CKS2: variants seen among roughly 807,000 people sequenced by gnomAD.
CKS2 encodes cyclin-dependent kinases regulatory subunit 2.
A neutral mutation model predicts 14.3 loss-of-function variants in CKS2; 4 were observed. The ratio of observed to expected loss-of-function variants is 0.28; its 90% confidence interval spans 0.14 to 0.64. The LOEUF (loss-of-function observed/expected upper bound fraction) is 0.64. Among genes scored for constraint, CKS2 ranks in the 30% least tolerant of loss-of-function variants. The probability of loss-of-function intolerance (pLI) is 0.83; values close to 1 mark genes in which losing one functional copy is unlikely to be tolerated. For synonymous variants in CKS2, 33 were observed against 28.7 expected, an observed-to-expected ratio of 1.15 and a Z score of -0.48; for missense variants, 71 against 94.3, an observed-to-expected ratio of 0.75 and a Z score of 1.02.
intron 2 of CKS2, 48 bp from the exon 3 acceptor site, chr9:89,316,325 G>C: frequency 8.5e-7 from 1 of 1,171,654 alleles, no homozygotes; most frequent in Non-Finnish European, 1.3e-6. Flanking sequence ...TTTCTGTTGA[G>C]TATATGAAAA....
At chr9:89,313,444 C>A (rs1034203784) in intron 1 of CKS2, among the ~76,000 whole-genome samples, 1 of 152,188 alleles carries the variant, frequency 6.6e-6, no homozygotes, top group Admixed American at 6.5e-5. Flanking sequence ...GTAATACTTG[C>A]ACTATTTTGC....
At chr9:89,313,050 T>G (rs1210511872) in intron 1 of CKS2, among the ~76,000 whole-genome samples, 1 of 152,256 alleles carries the variant, frequency 6.6e-6, no homozygotes, top group African/African-American at 2.4e-5. Context: ...AGTGATGTAT[T>G]TTAATCCAAT....
At chr9:89,314,623 ATAAAAGTC>A (rs1392946664) in intron 1 of CKS2, among the ~76,000 whole-genome samples, 7 of 152,214 alleles carry the variant, frequency 4.6e-5, no homozygotes, top group Admixed American at 1.3e-4. Flanking sequence ...TTTTCGTTAC[ATAAAAGTC>A]TAATAATCTG....
chr9:89,314,266 T>G (rs1196138453), intron 1 of CKS2, among the ~76,000 whole-genome samples: 1 of 152,182 alleles, frequency 6.6e-6, no homozygotes, highest in Non-Finnish European at 1.5e-5. Flanking sequence ...GGAAAGAGAT[T>G]TGTTAGGCAA....
At chr9:89,315,027 T>G (rs1048936021) in intron 1 of CKS2, 143 bp from the exon 2 acceptor site, 2 of 570,718 alleles carry the variant, frequency 3.5e-6, no homozygotes, top group Non-Finnish European at 5.6e-6. Flanking sequence ...GCTCCCTAAT[T>G]TGAACATAGG....
At chr9:89,316,192 T>C (rs886555047) in intron 2 of CKS2, among the ~76,000 whole-genome samples, 181 bp from the exon 3 acceptor site, 1 of 152,138 alleles carries the variant, frequency 6.6e-6, no homozygotes, top group South Asian at 2.1e-4. Context: ...GAGGTAATCT[T>C]TTTACTTTTA....
At chr9:89,315,535 A>T (rs1205787928) in intron 2 of CKS2, among the ~76,000 whole-genome samples, 1 of 5,526 alleles carries the variant, frequency 1.8e-4, no homozygotes. Flanking sequence ...GTAAGAAGTA[A>T]AAAAAAAAAA....
chr9:89,316,342 TAA>T, intron 2 of CKS2, 29 bp from the exon 3 acceptor site: 1 of 1,424,380 alleles, frequency 7.0e-7, no homozygotes, highest in Non-Finnish European at 9.8e-7. Flanking sequence ...AAAATCATAT[TAA>T]AATGATTCAA....
In CKS2 at chr9:89,315,153, G is replaced by C; in HGVS notation, c.60-17G>C. On this transcript the variant is annotated splice_polypyrimidine_tract_variant and intron_variant, in intron 1 of 2. Transcript: ENST00000314355. ...AGAAAAGGCACTGGACTAACACTTG[G>C]CTGTATCTTGTAACAGGCATGTTAT... 6.2e-7 allele frequency: 1 copy of C among 1,600,018 alleles called. No individual in the cohort carries two copies. The highest frequency in any genetic ancestry group is 8.5e-7 in the Non-Finnish European group (1 of 1,173,242).
chr9:89,313,850 C>G (rs973713768), intron 1 of CKS2, among the ~76,000 whole-genome samples: 3 of 152,210 alleles, frequency 2.0e-5, no homozygotes, highest in Admixed American at 2.0e-4. Flanking sequence ...ATATAGTTCA[C>G]TGGAATTGAT....
rs965710796 is a variant in CKS2 at position 89,314,634 on chromosome 9, A to T, written c.60-536A>T. On this transcript the variant is annotated intron_variant, in intron 1 of 2. Coordinates refer to ENST00000314355, the MANE Select transcript of CKS2 (RefSeq NM_001827.3). ...GATTTTTTCGTTACATAAAAGTCTA[A>T]TAATCTGGGGCAGGGATAACAGCTT... 2.6e-5 allele frequency among the ~76,000 whole-genome samples: 4 copies of T among 152,232 alleles called. No homozygotes were observed. The East Asian group carries it at 7.7e-4, about 29-fold the overall frequency.
At chr9:89,313,569 T>G (rs1029951417) in intron 1 of CKS2, among the ~76,000 whole-genome samples, 1 of 152,224 alleles carries the variant, frequency 6.6e-6, no homozygotes, top group Non-Finnish European at 1.5e-5. Flanking sequence ...TGATGCTACT[T>G]AAACATTTTT....
intron 1 of CKS2, among the ~76,000 whole-genome samples, chr9:89,313,164 C>T (rs1824650801): frequency 6.6e-6 from 1 of 152,214 alleles, no homozygotes; most frequent in Non-Finnish European, 1.5e-5. Context: ...TAATATAGCA[C>T]TAAGGCATGA....
chr9:89,312,747 G>A (rs1490620188), intron 1 of CKS2, among the ~76,000 whole-genome samples: 1 of 152,128 alleles, frequency 6.6e-6, no homozygotes, highest in Non-Finnish European at 1.5e-5. Context: ...TGCTGGCAGT[G>A]TTCAATTATG....
chr9:89,313,085 G>A (rs1313095321), intron 1 of CKS2, among the ~76,000 whole-genome samples: 1 of 152,152 alleles, frequency 6.6e-6, no homozygotes, highest in Non-Finnish European at 1.5e-5. Flanking sequence ...GTATTAATTG[G>A]CCAAGCCAGT....
chr9:89,313,453 G>A (rs1031624564), intron 1 of CKS2, among the ~76,000 whole-genome samples: 21 of 152,130 alleles, frequency 1.4e-4, no homozygotes, highest in Admixed American at 3.9e-4. Flanking sequence ...GCACTATTTT[G>A]CATTTCAACT....
Position 89,311,364 on chromosome 9 carries a change from C to G in CKS2, c.59+13C>G. On this transcript the variant is annotated intron_variant, in intron 1 of 2. Coordinates refer to ENST00000314355, the MANE Select transcript of CKS2 (RefSeq NM_001827.3). ...ACTACGAGTACCGGTGGGCGCCTTT[C>G]TTAGACCCCGAGCCGGCTCCCTCAG... The G allele has an allele frequency of 6.3e-7, 1 of 1,598,392 alleles. No individual in the cohort carries two copies. The highest frequency in any genetic ancestry group is 8.5e-7 in the Non-Finnish European group (1 of 1,174,218).
chr9:89,316,348 G>A (rs1462375818), intron 2 of CKS2, 25 bp from the exon 3 acceptor site: 2 of 1,464,800 alleles, frequency 1.4e-6, no homozygotes, highest in South Asian at 2.4e-5. Flanking sequence ...ATATTAAAAT[G>A]ATTCAAAACA....
intron 1 of CKS2, among the ~76,000 whole-genome samples, chr9:89,312,823 T>A (rs1167158229): frequency 6.6e-6 from 1 of 152,228 alleles, no homozygotes; most frequent in East Asian, 1.9e-4. Flanking sequence ...GTAATAATCT[T>A]ACTAAAACCT....
Sources: allele counts gnomAD v4.1 joint callset (sites outside exome capture counted in the v4.1 genomes callset), GRCh38; gene constraint gnomAD v4.1.1; transcripts MANE v1.5; gene names NCBI Gene and HGNC (gene_info 2026-07-23, HGNC 2026-07-21).